The following KHDRBS2 variants were observed in gnomAD, a reference collection of about 807,000 sequenced individuals.
KHDRBS2 encodes KH RNA binding domain containing, signal transduction associated 2.
KHDRBS2 carries 26 observed loss-of-function variants against 44.3 expected under a neutral mutation model. The observed-to-expected ratio is 0.59, with a 90% CI of 0.43 to 0.81. KHDRBS2 has a LOEUF of 0.81. Among genes scored for constraint, KHDRBS2 ranks in the 40% least tolerant of loss-of-function variants. The pLI is 0.00. For synonymous variants in KHDRBS2, 194 were observed against 151.1 expected (o/e 1.28, Z -2.08); for missense variants, 476 against 433.1 (o/e 1.10, Z -0.88).
chr6:62,084,366 G>T (rs1188243165), intron 2 of KHDRBS2, among the ~76,000 whole-genome samples: 4 of 152,160 alleles, frequency 2.6e-5, no homozygotes, highest in African/African-American at 7.2e-5. Flanking sequence ...GAGCTCTGGT[G>T]ATAAAACTCC....
At chr6:61,847,066 A>G (rs1794525616) in intron 6 of KHDRBS2, among the ~76,000 whole-genome samples, 1 of 152,070 alleles carries the variant, frequency 6.6e-6, no homozygotes, top group Non-Finnish European at 1.5e-5. Context: ...TTTAAAGTAT[A>G]TTTGAACATT....
intron 6 of KHDRBS2, among the ~76,000 whole-genome samples, chr6:61,756,553 C>A (rs1778516051): frequency 6.6e-6 from 1 of 152,206 alleles, no homozygotes; most frequent in South Asian, 2.1e-4. Context: ...AGCCACCATG[C>A]CCAGCCTCAT....
At chr6:62,157,505 T>C (rs564693318) in intron 2 of KHDRBS2, among the ~76,000 whole-genome samples, 47 of 152,248 alleles carry the variant, frequency 3.1e-4, no homozygotes, top group African/African-American at 1.1e-3. Flanking sequence ...TTTGGGGTAA[T>C]AAGCAACAGC....
intron 8 of KHDRBS2, 96 bp downstream of exon 8, chr6:61,697,098 TG>T: frequency 2.3e-6 from 2 of 866,234 alleles, no homozygotes; most frequent in Non-Finnish European, 2.0e-6. Flanking sequence ...TCTAGACTTC[TG>T]GAAAAACTAG....
intron 6 of KHDRBS2, chr6:61,813,980 A>G (rs1166920247): frequency 6.7e-6 from 3 of 445,328 alleles, no homozygotes; most frequent in Non-Finnish European, 1.4e-5. Flanking sequence ...CCTCCATGCC[A>G]GTAAAAAAAG....
At chr6:61,753,395 A>AC (rs774254215) in intron 6 of KHDRBS2, among the ~76,000 whole-genome samples, 45 of 151,920 alleles carry the variant, frequency 3.0e-4, no homozygotes, top group Admixed American at 5.2e-4. Context: ...TGGTACCCCC[A>AC]CCCCCCCAAA....
At chr6:61,741,443 C>T (rs1776121932) in intron 6 of KHDRBS2, among the ~76,000 whole-genome samples, 1 of 151,876 alleles carries the variant, frequency 6.6e-6, no homozygotes, top group Admixed American at 6.6e-5. Context: ...TTTATTACAT[C>T]ACTGACAGTT....
chr6:61,954,243 G>C (rs1379307662), intron 4 of KHDRBS2, among the ~76,000 whole-genome samples: 1 of 151,850 alleles, frequency 6.6e-6, no homozygotes, highest in Non-Finnish European at 1.5e-5. Context: ...GTGTGTGAAT[G>C]TGTGTGTCTC....
At chr6:62,061,321 C>A (rs1311552369) in intron 2 of KHDRBS2, among the ~76,000 whole-genome samples, 1 of 151,710 alleles carries the variant, frequency 6.6e-6, no homozygotes, top group African/African-American at 2.4e-5. Flanking sequence ...CCGGTTGTTC[C>A]TTTCCATGTT....
At chr6:62,029,244 A>T (rs1045151361) in intron 3 of KHDRBS2, among the ~76,000 whole-genome samples, 2 of 151,970 alleles carry the variant, frequency 1.3e-5, no homozygotes, top group African/African-American at 4.8e-5. Flanking sequence ...CAGTTGCAAG[A>T]AAACATTAGG....
chr6:61,639,209 G>T, the KHDRBS2 span, among the ~76,000 whole-genome samples: 2 of 151,924 alleles, frequency 1.3e-5, no homozygotes, highest in Non-Finnish European at 2.9e-5. Context: ...AATGAATATA[G>T]CTTAGTGACT....
chr6:61,826,162 G>C (rs1790824699), intron 6 of KHDRBS2, among the ~76,000 whole-genome samples: 1 of 151,932 alleles, frequency 6.6e-6, no homozygotes, highest in Non-Finnish European at 1.5e-5. Flanking sequence ...CATTTTTTAG[G>C]GGTTTTATGG....
intron 2 of KHDRBS2, among the ~76,000 whole-genome samples, chr6:62,086,874 C>T (rs1418698704): frequency 1.3e-5 from 2 of 151,406 alleles, no homozygotes; most frequent in South Asian, 2.1e-4. Flanking sequence ...AGGCAGGGAT[C>T]CATTTCATCA....
At chr6:61,693,912 AT>A (rs949671558) in intron 8 of KHDRBS2, among the ~76,000 whole-genome samples, 2 of 152,168 alleles carry the variant, frequency 1.3e-5, no homozygotes, top group African/African-American at 4.8e-5. Context: ...CAAGAGTTGT[AT>A]TTAAACACTT....
the KHDRBS2 span, among the ~76,000 whole-genome samples, chr6:61,670,001 A>C: frequency 6.6e-6 from 1 of 151,304 alleles, no homozygotes; most frequent in Non-Finnish European, 1.5e-5. Context: ...ACAGCTGAAG[A>C]ATGGAGGAGG....
At chr6:62,196,962 A>G (rs1267463332) in intron 1 of KHDRBS2, among the ~76,000 whole-genome samples, 1 of 152,096 alleles carries the variant, frequency 6.6e-6, no homozygotes, top group Non-Finnish European at 1.5e-5. Flanking sequence ...GTCCAGTACT[A>G]TGTCGTTCAT....
chr6:61,656,530 C>T, the KHDRBS2 span, among the ~76,000 whole-genome samples: 5 of 151,902 alleles, frequency 3.3e-5, no homozygotes, highest in Admixed American at 6.6e-5. Flanking sequence ...ATTTATATTG[C>T]GTCTCTTTTT....
the KHDRBS2 span, among the ~76,000 whole-genome samples, chr6:61,619,155 T>A: frequency 2.0e-5 from 3 of 152,104 alleles, no homozygotes; most frequent in African/African-American, 7.2e-5. Flanking sequence ...ATACAAGTGG[T>A]TTTTGTTATA....
At chr6:61,557,323 T>C in the KHDRBS2 span, among the ~76,000 whole-genome samples, 47 of 152,206 alleles carry the variant, frequency 3.1e-4, no homozygotes, top group Non-Finnish European at 5.9e-4. Context: ...CCAATTTTTC[T>C]AGTAAATAAA....
Sources: gnomAD v4.1 joint callset for allele counts (sites outside exome capture counted in the v4.1 genomes callset) on GRCh38, gnomAD v4.1.1 for gene constraint, MANE v1.5 for transcripts, NCBI Gene and HGNC (gene_info 2026-07-23, HGNC 2026-07-21) for gene names.